Variants in PRRG1 observed in about 807,000 individuals in gnomAD.
PRRG1 encodes transmembrane gamma-carboxyglutamic acid protein 1.
In PRRG1, 5 loss-of-function variants were observed where a neutral mutation model predicts 11.8. The observed-to-expected ratio is 0.42, with a 90% CI of 0.22 to 0.89. The LOEUF (loss-of-function observed/expected upper bound fraction) is 0.89. Ranked by LOEUF, PRRG1 falls within the 40% of genes least tolerant of loss-of-function variation. PRRG1 has a pLI of 0.28. For missense variants in PRRG1, 155 were observed against 166.1 expected (o/e 0.93, Z 0.37); for synonymous variants, 66 against 60.4 (o/e 1.09, Z -0.43).
rs1445967743 is a variant in PRRG1 at position 37,409,963 on chromosome X, G to C, written c.10+3704G>C. 2.7e-5 allele frequency among the ~76,000 whole-genome samples: 3 copies of C among 112,132 alleles called. No homozygotes were observed. In the Admixed American group the frequency reaches 2.8e-4, roughly 11 times the overall value. ...AGATGAAGAAGTTATTTGTACATAT[G>C]TGTTAGAAGAATCATTCGTTTATGT... On this transcript the variant is annotated intron_variant, in intron 2 of 3. Transcript: ENST00000378628.
chrX:37,349,789 T>C (rs891525911), intron 1 of PRRG1, among the ~76,000 whole-genome samples: 4 of 110,747 alleles, frequency 3.6e-5, no homozygotes, highest in Non-Finnish European at 7.6e-5. Context: ...CTGCTTTCTC[T>C]GGTGCAGAGT....
chrX:37,430,525 G>A (rs73466280), intron 3 of PRRG1, among the ~76,000 whole-genome samples: 2,119 of 111,613 alleles, frequency 0.019, 46 homozygotes, highest in African/African-American at 0.059. Flanking sequence ...TAACTCATTT[G>A]CTTAGTTGTA....
Position 37,453,699 on chromosome X carries a change from A to G in PRRG1, c.*78A>G. 1.0e-6 allele frequency: 1 copy of G among 958,340 alleles called. No homozygotes were observed. Among genetic ancestry groups the G allele is most frequent in the South Asian group, 3.2e-5 (1 of 31,354 alleles). The allele number at this position is 958,340 out of a possible 1,213,427, so 79.0% of individuals were successfully genotyped here. A position where few individuals can be genotyped will look rare whatever the true frequency, so the allele number is the denominator to read the frequency against. ...TTTCTAGCACTTTACCACTACATAA[A>G]TGTTCATTGACTTATTTTATTGGAC... On this transcript the variant is annotated 3_prime_UTR_variant, in exon 4 of 4. Coordinates refer to ENST00000378628, the MANE Select transcript of PRRG1 (RefSeq NM_001142395.2).
At chrX:37,399,678 C>A (rs1295712533) in intron 1 of PRRG1, among the ~76,000 whole-genome samples, 80 of 103,003 alleles carry the variant, frequency 7.8e-4, no homozygotes, top group African/African-American at 2.9e-3. Flanking sequence ...TTAAAAGACA[C>A]AGACTGGCAA....
At chrX:37,366,473 G>A (rs1556369366) in intron 1 of PRRG1, among the ~76,000 whole-genome samples, 2 of 111,943 alleles carry the variant, frequency 1.8e-5, no homozygotes, top group East Asian at 2.8e-4. Context: ...CTAGTTTGGT[G>A]TCATGATGTG....
chrX:37,405,471 A>G (rs1487154476), intron 1 of PRRG1, among the ~76,000 whole-genome samples: 1 of 111,750 alleles, frequency 8.9e-6, no homozygotes, highest in Non-Finnish European at 1.9e-5. Context: ...TAATAAATAC[A>G]TGATAGCTCT....
rs782663201 is a variant in PRRG1 at position 37,420,755 on chromosome X, A to T, written c.11-5085A>T. 3.6e-5 allele frequency among the ~76,000 whole-genome samples: 4 copies of T among 110,069 alleles called. No individual in the cohort carries two copies. The South Asian group carries it at 1.6e-3, about 44-fold the overall frequency. ...CACACACCTGTAGTCCCAGCTACTC[A>T]GGAGACTAAGGTGGAAGGGTCGCTT... On this transcript the variant is annotated intron_variant, in intron 2 of 3. Transcript: ENST00000378628.
At chrX:37,423,255 T>C (rs781937293) in intron 2 of PRRG1, among the ~76,000 whole-genome samples, 2 of 110,816 alleles carry the variant, frequency 1.8e-5, no homozygotes, top group East Asian at 5.6e-4. Context: ...AAAAGTTAAA[T>C]TTTAACAAAA....
chrX:37,389,641 C>A (rs781891794), intron 1 of PRRG1, among the ~76,000 whole-genome samples: 2 of 111,647 alleles, frequency 1.8e-5, no homozygotes, highest in Admixed American at 9.5e-5. Flanking sequence ...AAGAACAGTA[C>A]TAAGGGGATA....
intron 2 of PRRG1, among the ~76,000 whole-genome samples, chrX:37,407,270 CA>C (rs202224110): frequency 0.036 from 3,953 of 111,302 alleles, 175 homozygotes; most frequent in African/African-American, 0.12. Context: ...TATTCATTTA[CA>C]AAACAATAGC....
chrX:37,363,057 A>G (rs782331704), intron 1 of PRRG1, among the ~76,000 whole-genome samples: 1 of 111,844 alleles, frequency 8.9e-6, no homozygotes, highest in South Asian at 3.8e-4. Flanking sequence ...AACAATAATA[A>G]TAACCATTCT....
At chrX:37,362,598 T>G (rs782608865) in intron 1 of PRRG1, among the ~76,000 whole-genome samples, 1 of 111,993 alleles carries the variant, frequency 8.9e-6, no homozygotes, top group Non-Finnish European at 1.9e-5. Flanking sequence ...TTTGCATTCC[T>G]CATTTGCATT....
chrX:37,453,054 T>C, intron 3 of PRRG1, 82 bp from the exon 4 acceptor site: 5 of 1,033,683 alleles, frequency 4.8e-6, no homozygotes, highest in South Asian at 2.5e-5. Flanking sequence ...ATTATGTTCA[T>C]TGAACCCAGA....
chrX:37,364,339 T>G (rs1205335880), intron 1 of PRRG1, among the ~76,000 whole-genome samples: 1 of 112,037 alleles, frequency 8.9e-6, no homozygotes, highest in Non-Finnish European at 1.9e-5. Context: ...GCAATCTGAT[T>G]ATCATTTATA....
At position 37,454,082 on chromosome X, in the gene PRRG1, C is replaced by T. The variant is rs1921262459; in HGVS notation, c.*461C>T. The T allele has an allele frequency of 8.9e-6, 1 of 112,568 alleles. No individual in the cohort carries two copies. The highest frequency in any genetic ancestry group is 3.8e-4 in the South Asian group (1 of 2,663). The allele number at this position is 112,568 out of a possible 1,213,427, so 9.3% of individuals were successfully genotyped here. A position where few individuals can be genotyped will look rare whatever the true frequency, so the allele number is the denominator to read the frequency against. ...ATTTTTGCAAACTGGATGTACTTAGCATGTTTTCTAATTCTGACTGGCTTT... is the reference window on the plus strand; with the variant it reads ...ATTTTTGCAAACTGGATGTACTTAGTATGTTTTCTAATTCTGACTGGCTTT... On this transcript the variant is annotated 3_prime_UTR_variant, in exon 4 of 4. Transcript: ENST00000378628.
chrX:37,357,471 C>T (rs1474677810), intron 1 of PRRG1, among the ~76,000 whole-genome samples: 1 of 112,228 alleles, frequency 8.9e-6, no homozygotes, highest in Non-Finnish European at 1.9e-5. Context: ...CATGGTTTCA[C>T]TTTCCACATT....
At chrX:37,377,441 C>T (rs1250490701) in intron 1 of PRRG1, among the ~76,000 whole-genome samples, 6 of 111,758 alleles carry the variant, frequency 5.4e-5, no homozygotes, top group Non-Finnish European at 9.4e-5. Context: ...AAGTGTGTAG[C>T]GTAGCAAATA....
At chrX:37,432,415 C>T (rs1932841508) in intron 3 of PRRG1, among the ~76,000 whole-genome samples, 1 of 111,907 alleles carries the variant, frequency 8.9e-6, no homozygotes, top group African/African-American at 3.2e-5. Context: ...GCCTACATTT[C>T]TGGCCTTTTA....
intron 3 of PRRG1, among the ~76,000 whole-genome samples, chrX:37,449,889 AG>A (rs1443618409): frequency 8.9e-6 from 1 of 112,579 alleles, no homozygotes; most frequent in Non-Finnish European, 1.9e-5. Flanking sequence ...CAAAAGAAAA[AG>A]AACTGTATAA....
Sources: allele counts gnomAD v4.1 joint callset (sites outside exome capture counted in the v4.1 genomes callset), GRCh38; gene constraint gnomAD v4.1.1; transcripts MANE v1.5; gene names NCBI Gene and HGNC (gene_info 2026-07-23, HGNC 2026-07-21).